Variants in RFWD3 observed in about 807,000 individuals in gnomAD.
RFWD3 encodes the protein ring finger and WD repeat domain 3.
In RFWD3, 65 loss-of-function variants were observed where a neutral mutation model predicts 87.7. The ratio of observed to expected loss-of-function variants is 0.74; its 90% CI spans 0.61 to 0.91. RFWD3 has a LOEUF of 0.91. RFWD3 is among the 40% of genes least tolerant of loss of function. The probability of loss-of-function intolerance (pLI) is 0.00; values close to 1 mark genes in which losing one functional copy is unlikely to be tolerated. For synonymous variants in RFWD3, 433 were observed against 352.8 expected, an observed-to-expected ratio of 1.23 and a Z score of -2.55; for missense variants, 1,078 against 938.5, an observed-to-expected ratio of 1.15 and a Z score of -1.94.
chr16:74,650,375 G>A (rs1477557395), intron 3 of RFWD3, among the ~76,000 whole-genome samples: 1 of 151,202 alleles, frequency 6.6e-6, no homozygotes, highest in Non-Finnish European at 1.5e-5. Flanking sequence ...TTTGGCAATG[G>A]GGGTGGGGGG....
intron 1 of RFWD3, among the ~76,000 whole-genome samples, chr16:74,662,254 G>GCCTC (rs1961508199): frequency 6.6e-6 from 1 of 152,022 alleles, no homozygotes; most frequent in East Asian, 1.9e-4. Flanking sequence ...GAGCCACTGT[G>GCCTC]CCTCCCTACC....
chr16:74,634,940 G>C (rs953072430), intron 8 of RFWD3, among the ~76,000 whole-genome samples: 3 of 152,038 alleles, frequency 2.0e-5, no homozygotes, highest in African/African-American at 4.8e-5. Flanking sequence ...TCAGGAGTTG[G>C]AGACCAGCCT....
chr16:74,662,990 C>T (rs374645243), intron 1 of RFWD3, among the ~76,000 whole-genome samples: 4 of 151,804 alleles, frequency 2.6e-5, no homozygotes, highest in South Asian at 2.1e-4. Context: ...CTGCAAGCTC[C>T]GCCTCCCGGG....
intron 4 of RFWD3, among the ~76,000 whole-genome samples, chr16:74,648,671 C>T (rs1183978333): frequency 6.6e-6 from 1 of 151,462 alleles, no homozygotes; most frequent in Non-Finnish European, 1.5e-5. Context: ...GCTCGGGAGG[C>T]TGAGGTAGGA....
intron 7 of RFWD3, 75 bp from the exon 8 acceptor site, chr16:74,636,652 T>C: frequency 9.1e-7 from 1 of 1,099,788 alleles, no homozygotes. Flanking sequence ...CCTTGATCTT[T>C]TACAGGAAGA....
At chr16:74,640,474 G>A (rs1013670090) in intron 6 of RFWD3, among the ~76,000 whole-genome samples, 11 of 151,756 alleles carry the variant, frequency 7.2e-5, no homozygotes, top group Admixed American at 1.3e-4. Flanking sequence ...AAGTAGCAAT[G>A]AAAATTTGTA....
intron 8 of RFWD3, among the ~76,000 whole-genome samples, chr16:74,635,114 T>A (rs1451408727): frequency 6.6e-6 from 1 of 151,536 alleles, no homozygotes. Context: ...CTCCGTCTCT[T>A]CTAAAAATAC....
rs762552515 is a variant in RFWD3 at position 74,649,159 on chromosome 16, G to A, written c.765C>T (p.Ile255=). Residue 255 remains isoleucine (I), a synonymous_variant, in exon 4 of 13, where the codon ATC becomes ATT. Coordinates refer to ENST00000361070, the MANE Select transcript of RFWD3 (RefSeq NM_018124.4). The part of the protein sequence containing the change: ...GVSAEQEVTC[I]DGGKTLPKQP... The stretch of plus-strand genomic sequence containing the variant: ...GTTTGGGGAGGGTCTTGCCTCCATC[G>A]ATACATGTAACTTCTTGCTCTGCTG... 45 of 1,570,554 alleles carry A rather than the reference G, an allele frequency of 2.9e-5. No individual in the cohort carries two copies. Among genetic ancestry groups the A allele is most frequent in the Middle Eastern group, 1.7e-4 (1 of 5,938 alleles).
At chr16:74,641,323 C>T (rs774480180) in intron 6 of RFWD3, among the ~76,000 whole-genome samples, 9 of 151,908 alleles carry the variant, frequency 5.9e-5, no homozygotes, top group African/African-American at 7.3e-5. Context: ...CCACCATGCC[C>T]GGCTAATTTT....
rs774430995 is a variant in RFWD3, at chr16:74,628,425, GC to G, written c.1969+26del. ...TCTCTACCACTGTGCTCCCAAATAA[GC>G]TATGGGAGACCCCAGCACTACTTAC... On this transcript the variant is annotated intron_variant, in intron 11 of 12. Transcript: ENST00000361070. 18 of 1,598,716 alleles carry G rather than the reference GC, an allele frequency of 1.1e-5. No individual in the cohort carries two copies. In the African/African-American group the frequency reaches 2.1e-4, roughly 19 times the overall value.
rs773952889 is a variant in RFWD3, at chr16:74,651,967, C to A, written c.674G>T (p.Gly225Val). 6.2e-7 allele frequency: 1 copy of A among 1,614,044 alleles called. No individual in the cohort carries two copies. The highest frequency in any genetic ancestry group is 8.5e-7 in the Non-Finnish European group (1 of 1,179,948). Residue 225 changes from glycine to valine, a missense_variant, in exon 3 of 13, where the codon GGA becomes GTA. Physicochemically the swap from Gly to Val is moderately radical, Grantham distance 109. Transcript: ENST00000361070. ...TTCCTCTGCCTGGTCAACAACCCCT[C>A]CATACTCTGCAGAGCTGTCACTGTC... The part of the protein sequence containing the change: ...DSDSDSSAEY[G>V]GVVDQAEESG...
intron 3 of RFWD3, among the ~76,000 whole-genome samples, chr16:74,650,353 C>CTT (rs781708043): frequency 2.2e-5 from 3 of 133,436 alleles, no homozygotes; most frequent in Non-Finnish European, 4.9e-5. Context: ...AGATTCAGGG[C>CTT]TTTTTTTTTT....
intron 8 of RFWD3, among the ~76,000 whole-genome samples, chr16:74,634,841 G>C (rs946706135): frequency 6.6e-6 from 1 of 151,998 alleles, no homozygotes; most frequent in Non-Finnish European, 1.5e-5. Flanking sequence ...CGCAGGTATA[G>C]GCTTTAAATC....
At chr16:74,666,325 G>A (rs912160592) in intron 1 of RFWD3, 3 of 152,188 alleles carry the variant, frequency 2.0e-5, no homozygotes, top group East Asian at 3.8e-4. Context: ...GTAAAACAGG[G>A]ATAATACAAG....
At chr16:74,635,933 T>C (rs141012566) in intron 8 of RFWD3, among the ~76,000 whole-genome samples, 57 of 152,370 alleles carry the variant, frequency 3.7e-4, no homozygotes, top group Admixed American at 2.1e-3. Flanking sequence ...TAAATTCTCT[T>C]ATTTGGAAAT....
chr16:74,632,697 A>C, intron 8 of RFWD3, 24 bp from the exon 9 acceptor site: 1 of 1,611,702 alleles, frequency 6.2e-7, no homozygotes, highest in Non-Finnish European at 8.5e-7. Flanking sequence ...AATAGTATGA[A>C]ATAGATCACT....
chr16:74,624,290 A>G (rs777955720), intron 12 of RFWD3, among the ~76,000 whole-genome samples: 13 of 152,230 alleles, frequency 8.5e-5, no homozygotes, highest in Non-Finnish European at 7.3e-5. Context: ...TCTACCTGTA[A>G]GTGGACCTGA....
intron 10 of RFWD3, among the ~76,000 whole-genome samples, chr16:74,630,165 G>A (rs1002605053): frequency 2.6e-5 from 4 of 151,860 alleles, no homozygotes; most frequent in South Asian, 2.1e-4. Context: ...GCGCAATCTC[G>A]GCTCACCGCA....
intron 2 of RFWD3, chr16:74,660,725 C>T (rs1961360186): frequency 1.8e-6 from 1 of 560,352 alleles, no homozygotes; most frequent in South Asian, 2.3e-5. Flanking sequence ...CAAACTACCA[C>T]CTAGTTTTCA....
Sources: gnomAD v4.1 joint callset for allele counts (sites outside exome capture counted in the v4.1 genomes callset) on GRCh38, gnomAD v4.1.1 for gene constraint, MANE v1.5 for transcripts, NCBI Gene and HGNC (gene_info 2026-07-23, HGNC 2026-07-21) for gene names.